The following BICD1 variants were observed in gnomAD, a reference collection of about 807,000 sequenced individuals.
BICD1 encodes BICD cargo adaptor 1.
BICD1 carries 35 observed loss-of-function variants against 92.5 expected under a neutral mutation model. The ratio of observed to expected loss-of-function variants is 0.38; its 90% CI spans 0.29 to 0.50. BICD1 has a LOEUF of 0.50. Ranked by LOEUF, BICD1 falls within the 20% of genes least tolerant of loss-of-function variation. The probability of loss-of-function intolerance (pLI) is 0.93; values close to 1 mark genes in which losing one functional copy is unlikely to be tolerated. For missense variants in BICD1, 950 were observed against 1,189.8 expected, an observed-to-expected ratio of 0.80 and a Z score of 2.97; for synonymous variants, 429 against 465.1, an observed-to-expected ratio of 0.92 and a Z score of 1.00.
chr12:32,224,804 C>T (rs995598388), intron 2 of BICD1, among the ~76,000 whole-genome samples: 7 of 152,112 alleles, frequency 4.6e-5, no homozygotes, highest in African/African-American at 1.2e-4. Flanking sequence ...CAGATTCAAG[C>T]GATTCTCCTG....
intron 1 of BICD1, among the ~76,000 whole-genome samples, chr12:32,177,637 G>C (rs993062970): frequency 3.5e-5 from 5 of 141,236 alleles, no homozygotes; most frequent in African/African-American, 1.3e-4. Context: ...GGGAGGTGTA[G>C]AGGGTTGAGT....
intron 1 of BICD1, among the ~76,000 whole-genome samples, chr12:32,178,153 A>C (rs1944171701): frequency 6.6e-6 from 1 of 151,924 alleles, no homozygotes; most frequent in Non-Finnish European, 1.5e-5. Context: ...AGATTTAGTC[A>C]AATCTTTAAT....
At chr12:32,123,496 T>C (rs1340433200) in intron 1 of BICD1, among the ~76,000 whole-genome samples, 1 of 152,264 alleles carries the variant, frequency 6.6e-6, no homozygotes, top group Non-Finnish European at 1.5e-5. Flanking sequence ...GGCATTCTCT[T>C]CCTTCCCACC....
At chr12:32,243,947 C>T (rs1469157058) in intron 2 of BICD1, among the ~76,000 whole-genome samples, 1 of 152,182 alleles carries the variant, frequency 6.6e-6, no homozygotes, top group Admixed American at 6.5e-5. Context: ...GTGCCATTTA[C>T]AGTGTGGTAC....
chr12:32,193,263 A>G (rs949642703), intron 1 of BICD1, among the ~76,000 whole-genome samples: 5 of 152,250 alleles, frequency 3.3e-5, no homozygotes, highest in Admixed American at 1.3e-4. Context: ...TAATGAGACA[A>G]GACCTTCTAC....
intron 1 of BICD1, among the ~76,000 whole-genome samples, chr12:32,140,566 C>G (rs1281599018): frequency 6.6e-6 from 1 of 152,156 alleles, no homozygotes; most frequent in Non-Finnish European, 1.5e-5. Context: ...AATGCAACCC[C>G]GCCTCCCGGG....
intron 2 of BICD1, among the ~76,000 whole-genome samples, chr12:32,242,963 C>G (rs11612914): frequency 0.017 from 2,541 of 152,220 alleles, 29 homozygotes; most frequent in South Asian, 0.025. Flanking sequence ...ACTCAAGGGT[C>G]TGTTGTGAGG....
intron 2 of BICD1, among the ~76,000 whole-genome samples, chr12:32,230,197 T>G (rs2121576385): frequency 6.6e-6 from 1 of 151,414 alleles, no homozygotes; most frequent in East Asian, 1.9e-4. Flanking sequence ...ACCGTAGGAG[T>G]CATGGGAGTG....
At position 32,187,541 on chromosome 12, in the gene BICD1, G is replaced by A. The variant is rs137894039; in HGVS notation, c.214-28706G>A. Among the ~76,000 whole-genome samples the A allele has an allele frequency of 1.7e-3, 264 of 152,188 alleles. 1 individual carries two copies. Among genetic ancestry groups the A allele is most frequent in the Middle Eastern group, 3.4e-3 (1 of 294 alleles). ...ACAAAAATTATTCGGGCGTGGTGGCGCGCTCCTATAATCCCAGCTACTCAG... is the reference window on the plus strand; with the variant it reads ...ACAAAAATTATTCGGGCGTGGTGGCACGCTCCTATAATCCCAGCTACTCAG... On this transcript the variant is annotated intron_variant, in intron 1 of 9. Coordinates refer to ENST00000652176, the MANE Select transcript of BICD1 (RefSeq NM_001714.4).
At chr12:32,224,451 C>G (rs1407332161) in intron 2 of BICD1, among the ~76,000 whole-genome samples, 1 of 152,232 alleles carries the variant, frequency 6.6e-6, no homozygotes, top group African/African-American at 2.4e-5. Flanking sequence ...TGCGATTCCA[C>G]AGGAGAGAGC....
intron 1 of BICD1, among the ~76,000 whole-genome samples, chr12:32,149,750 G>A (rs1273812333): frequency 1.3e-5 from 2 of 152,138 alleles, no homozygotes; most frequent in Non-Finnish European, 2.9e-5. Context: ...GTGTCTGGTG[G>A]GAGCTTGCTG....
chr12:32,108,729 T>C lies in BICD1; in HGVS notation c.213+1185T>C, dbSNP rs139459687. On this transcript the variant is annotated intron_variant, in intron 1 of 9. Coordinates refer to ENST00000652176, the MANE Select transcript of BICD1 (RefSeq NM_001714.4). Reference sequence around the variant, plus strand: ...TGGTAAGCATTTATACTTTTAGATATGTCTTATTTTTATTTGGATGCCTGT... The same window carrying C: ...TGGTAAGCATTTATACTTTTAGATACGTCTTATTTTTATTTGGATGCCTGT... 2.2e-3 allele frequency: 1,451 copies of C among 659,232 alleles called. 4 individuals carry two copies. The highest frequency in any genetic ancestry group is 0.017 in the Middle Eastern group (70 of 4,190). The allele number at this position is 659,232 out of a possible 1,614,324, so 40.8% of individuals were successfully genotyped here.
chr12:32,165,612 G>A (rs942795742), intron 1 of BICD1, among the ~76,000 whole-genome samples: 2 of 151,670 alleles, frequency 1.3e-5, no homozygotes, highest in Non-Finnish European at 2.9e-5. Flanking sequence ...TTGAACCAGG[G>A]AGTCGGAGAT....
intron 2 of BICD1, among the ~76,000 whole-genome samples, chr12:32,238,752 C>G (rs1194757701): frequency 6.7e-6 from 1 of 149,852 alleles, no homozygotes; most frequent in Non-Finnish European, 1.5e-5. Context: ...TAAGACCAGC[C>G]TGGCTAACAT....
intron 1 of BICD1, among the ~76,000 whole-genome samples, chr12:32,159,859 G>T (rs1352315314): frequency 1.5e-5 from 2 of 129,454 alleles, no homozygotes; most frequent in Non-Finnish European, 1.8e-5. Context: ...CTGTAGTTTG[G>T]GTTCTCCTTC....
At chr12:32,194,957 A>T (rs149490159) in intron 1 of BICD1, among the ~76,000 whole-genome samples, 18 of 152,234 alleles carry the variant, frequency 1.2e-4, no homozygotes, top group Admixed American at 3.9e-4. Flanking sequence ...AAAGATCTGT[A>T]CATTGAAAAC....
At chr12:32,324,531 G>A (rs987671568) in intron 4 of BICD1, among the ~76,000 whole-genome samples, 9 of 151,594 alleles carry the variant, frequency 5.9e-5, no homozygotes, top group Non-Finnish European at 8.8e-5. Flanking sequence ...CTTCCTCTTC[G>A]ACATTTTCAT....
In BICD1 at chr12:32,306,046, C is replaced by G. The variant is rs771769631; in HGVS notation, c.929C>G (p.Ser310Cys). ...YRTPTLRKGE[S>C]LNPVSDLFSE... ...ACTCCCACCTTAAGGAAAGGAGAGT[C>G]TCTGAACCCTGTCTCTGACTTATTC... The change falls in exon 4 of 10, where the codon TCT becomes TGT. Residue 310 changes from serine to cysteine, a missense_variant. Coordinates refer to ENST00000652176, the MANE Select transcript of BICD1 (RefSeq NM_001714.4). The G allele has an allele frequency of 1.9e-6, 3 of 1,613,946 alleles. No homozygotes were observed. The highest frequency in any genetic ancestry group is 2.5e-6 in the Non-Finnish European group (3 of 1,180,016).
At chr12:32,191,256 A>G (rs565783124) in intron 1 of BICD1, among the ~76,000 whole-genome samples, 3 of 152,324 alleles carry the variant, frequency 2.0e-5, no homozygotes, top group African/African-American at 7.2e-5. Context: ...ACAGTAGAAA[A>G]GATCAACAAA....
Sources: gnomAD v4.1 joint callset for allele counts (sites outside exome capture counted in the v4.1 genomes callset) on GRCh38, gnomAD v4.1.1 for gene constraint, MANE v1.5 for transcripts, NCBI Gene and HGNC (gene_info 2026-07-23, HGNC 2026-07-21) for gene names.